The following IL1RAPL1 variants were observed in gnomAD, a reference collection of about 807,000 sequenced individuals.
The protein encoded by IL1RAPL1 is interleukin 1 receptor accessory protein like 1.
Under a neutral mutation model 48.4 loss-of-function variants are expected in IL1RAPL1, and 3 were observed. That is an observed-to-expected ratio of 0.06 (90% confidence interval 0.03 to 0.16). The LOEUF is 0.16. Among genes scored for constraint, IL1RAPL1 ranks in the 10% least tolerant of loss-of-function variants. The probability of loss-of-function intolerance (pLI) is 1.00; values close to 1 mark genes in which losing one functional copy is unlikely to be tolerated. For missense variants in IL1RAPL1, 349 were observed against 530.6 expected (o/e 0.66, Z 3.36); for synonymous variants, 185 against 187.7 (o/e 0.99, Z 0.12).
intron 3 of IL1RAPL1, among the ~76,000 whole-genome samples, chrX:29,290,226 A>T (rs1294905817): frequency 8.9e-6 from 1 of 111,932 alleles, no homozygotes; most frequent in Non-Finnish European, 1.9e-5. Context: ...CTGCCGAGAT[A>T]GAGTAGCCCC....
At chrX:29,784,700 TAGTG>T (rs1252208253) in intron 6 of IL1RAPL1, among the ~76,000 whole-genome samples, 2 of 109,263 alleles carry the variant, frequency 1.8e-5, no homozygotes, top group Non-Finnish European at 3.8e-5. Context: ...AAAAACATGA[TAGTG>T]AGGTTTCCAG....
chrX:28,706,820 CT>C (rs961254626), intron 1 of IL1RAPL1, among the ~76,000 whole-genome samples: 2 of 112,014 alleles, frequency 1.8e-5, no homozygotes, highest in African/African-American at 6.5e-5. Flanking sequence ...CATGAAGTAT[CT>C]GTTAAGTGTT....
chrX:29,067,857 T>G (rs1391083724), intron 2 of IL1RAPL1, among the ~76,000 whole-genome samples: 1 of 112,050 alleles, frequency 8.9e-6, no homozygotes, highest in Non-Finnish European at 1.9e-5. Flanking sequence ...GTAATAAAAT[T>G]AAAAAATCAC....
At chrX:28,664,410 AT>A (rs1934853553) in intron 1 of IL1RAPL1, among the ~76,000 whole-genome samples, 1 of 112,080 alleles carries the variant, frequency 8.9e-6, no homozygotes, top group Non-Finnish European at 1.9e-5. Flanking sequence ...AGAGAATAAG[AT>A]TTTATTTGGA....
chrX:29,311,330 A>T, intron 3 of IL1RAPL1, among the ~76,000 whole-genome samples: 1 of 112,020 alleles, frequency 8.9e-6, no homozygotes, highest in Non-Finnish European at 1.9e-5. Context: ...GCAGAGTTGC[A>T]TTACAATTTG....
At chrX:29,029,137 CACTT>C (rs977302917) in intron 2 of IL1RAPL1, among the ~76,000 whole-genome samples, 3 of 111,079 alleles carry the variant, frequency 2.7e-5, no homozygotes, top group South Asian at 3.8e-4. Context: ...CATGAGAACT[CACTT>C]ACTACTGCAA....
rs1010828213 is a variant in IL1RAPL1, at chrX:29,314,572, G to C, written c.362+31355G>C. Among the ~76,000 whole-genome samples the C allele has an allele frequency of 2.7e-5, 3 of 112,467 alleles. No individual in the cohort carries two copies. The East Asian group carries it at 8.4e-4, about 31-fold the overall frequency. On this transcript the variant is annotated intron_variant, in intron 3 of 10. Transcript: ENST00000378993. ...ACATTATTTCCTGGGAAAATGTTTTGTGGAACAAAATGCAAAGTTATATTG... is the reference window on the plus strand; with the variant it reads ...ACATTATTTCCTGGGAAAATGTTTTCTGGAACAAAATGCAAAGTTATATTG...
At chrX:29,599,687 A>G (rs1329930231) in intron 5 of IL1RAPL1, among the ~76,000 whole-genome samples, 1 of 112,222 alleles carries the variant, frequency 8.9e-6, no homozygotes, top group Non-Finnish European at 1.9e-5. Context: ...CATAGTCCCA[A>G]ACTTTTCAGA....
chrX:29,756,681 G>A (rs957287737), intron 6 of IL1RAPL1, among the ~76,000 whole-genome samples: 6 of 111,911 alleles, frequency 5.4e-5, no homozygotes, highest in African/African-American at 2.0e-4. Context: ...CCAAAGTGCC[G>A]GGATTACAGG....
intron 1 of IL1RAPL1, among the ~76,000 whole-genome samples, chrX:28,703,602 C>T (rs999432520): frequency 4.5e-5 from 5 of 111,228 alleles, no homozygotes; most frequent in Non-Finnish European, 9.4e-5. Flanking sequence ...GAGTGATAAT[C>T]ACCCCAAAGT....
chrX:29,168,902 A>G (rs977869414), intron 2 of IL1RAPL1, among the ~76,000 whole-genome samples: 5 of 89,641 alleles, frequency 5.6e-5, no homozygotes, highest in African/African-American at 8.2e-5. Flanking sequence ...CATATGTACA[A>G]TTGTATATAT....
chrX:29,282,428 G>A (rs779848048), intron 2 of IL1RAPL1, among the ~76,000 whole-genome samples: 95 of 112,021 alleles, frequency 8.5e-4, no homozygotes, highest in Non-Finnish European at 7.5e-4. Context: ...GGGAAACATC[G>A]CCAAGCTGCT....
chrX:29,871,575 C>T (rs1931799370), intron 6 of IL1RAPL1, among the ~76,000 whole-genome samples: 1 of 112,082 alleles, frequency 8.9e-6, no homozygotes, highest in Admixed American at 9.4e-5. Flanking sequence ...GCTAGATATT[C>T]CCACACATTC....
At chrX:29,173,740 A>T (rs1929952782) in intron 2 of IL1RAPL1, among the ~76,000 whole-genome samples, 2 of 112,019 alleles carry the variant, frequency 1.8e-5, no homozygotes, top group Admixed American at 9.6e-5. Context: ...AAAATGTAGA[A>T]GACGCAGATA....
At chrX:29,392,805 T>C (rs982451088) in intron 3 of IL1RAPL1, among the ~76,000 whole-genome samples, 5 of 112,376 alleles carry the variant, frequency 4.4e-5, no homozygotes, top group African/African-American at 1.6e-4. Flanking sequence ...CCCACTCATA[T>C]ATTTCAAATG....
chrX:28,815,839 G>GTATGTATATATATA (rs1467095474), intron 2 of IL1RAPL1, among the ~76,000 whole-genome samples: 7 of 29,105 alleles, frequency 2.4e-4, no homozygotes, highest in African/African-American at 6.2e-4. Context: ...GTGTGTTTAT[G>GTATGTATATATATA]TATATATATA....
intron 5 of IL1RAPL1, among the ~76,000 whole-genome samples, chrX:29,452,876 TG>T (rs1194235278): frequency 9.1e-6 from 1 of 109,733 alleles, no homozygotes; most frequent in Non-Finnish European, 1.9e-5. Flanking sequence ...AATTCATCCT[TG>T]TAAAACCACG....
chrX:29,450,203 T>TA (rs1034754823), intron 5 of IL1RAPL1, among the ~76,000 whole-genome samples: 4 of 111,647 alleles, frequency 3.6e-5, no homozygotes, highest in Non-Finnish European at 7.5e-5. Flanking sequence ...ATGTTAGAGG[T>TA]AAAAAAAATT....
intron 5 of IL1RAPL1, among the ~76,000 whole-genome samples, chrX:29,663,631 T>A (rs1417398738): frequency 8.9e-6 from 1 of 112,255 alleles, no homozygotes; most frequent in Admixed American, 9.4e-5. Flanking sequence ...TCCTGTACAT[T>A]GCCTTGCATA....
Sources: allele counts gnomAD v4.1 joint callset (sites outside exome capture counted in the v4.1 genomes callset), GRCh38; gene constraint gnomAD v4.1.1; transcripts MANE v1.5; gene names NCBI Gene and HGNC (gene_info 2026-07-23, HGNC 2026-07-21).